Variants in ERG observed in about 807,000 individuals in gnomAD.
ERG encodes the protein transcriptional regulator ERG.
A neutral mutation model predicts 55.3 loss-of-function variants in ERG; 9 were observed. That is an observed-to-expected ratio of 0.16 (90% CI 0.10 to 0.28). ERG has a LOEUF of 0.28. ERG is among the 10% of genes least tolerant of loss of function. The probability of loss-of-function intolerance (pLI) is 1.00; values close to 1 mark genes in which losing one functional copy is unlikely to be tolerated. For synonymous variants in ERG, 223 were observed against 237.3 expected (o/e 0.94, Z 0.55); for missense variants, 434 against 631.6 (o/e 0.69, Z 3.35).
chr21:38,410,327 A>G (rs2146473266), intron 3 of ERG, among the ~76,000 whole-genome samples: 1 of 152,338 alleles, frequency 6.6e-6, no homozygotes, highest in African/African-American at 2.4e-5. Flanking sequence ...TTCCATTCCA[A>G]TTGTTTTGAA....
intron 2 of ERG, among the ~76,000 whole-genome samples, chr21:38,549,798 A>G (rs887139267): frequency 2.0e-5 from 3 of 152,274 alleles, no homozygotes; most frequent in East Asian, 3.9e-4. Flanking sequence ...CTATTGCTCC[A>G]TTGGAGAGGT....
downstream of ERG, among the ~76,000 whole-genome samples, chr21:38,376,338 C>T (rs933619491): frequency 6.6e-6 from 1 of 152,188 alleles, no homozygotes; most frequent in African/African-American, 2.4e-5. Context: ...TGCATGTTTC[C>T]ATGGGACGGA....
Position 38,460,111 on chromosome 21 carries a change from G to T in ERG, c.19-14490C>A, listed in dbSNP as rs750550519. On this transcript the variant is annotated intron_variant, in intron 1 of 9. Coordinates refer to ENST00000288319, the MANE Select transcript of ERG (RefSeq NM_182918.4). The surrounding 1 kb of genome is among the most constrained non-coding windows in gnomAD (Gnocchi z 5.0). The stretch of plus-strand genomic sequence containing the variant: ...GTGTGAGCCCCCATGCATTCATGAA[G>T]AATAGGCCTTCCAGCCTTGGCAACA... Among the ~76,000 whole-genome samples the T allele has an allele frequency of 6.6e-6, 1 of 152,184 alleles. No homozygotes were observed. Among genetic ancestry groups the T allele is most frequent in the Non-Finnish European group, 1.5e-5 (1 of 68,038 alleles).
At chr21:38,562,872 C>T (rs755255497) in intron 2 of ERG, among the ~76,000 whole-genome samples, 8 of 152,002 alleles carry the variant, frequency 5.3e-5, no homozygotes, top group Non-Finnish European at 7.3e-5. Context: ...TAAAAGTGTG[C>T]GTGTTTGTTC....
At chr21:38,396,527 G>A (rs912978063) in intron 6 of ERG, among the ~76,000 whole-genome samples, 3 of 152,232 alleles carry the variant, frequency 2.0e-5, no homozygotes, top group African/African-American at 7.2e-5. Flanking sequence ...CTTCAAAGTA[G>A]AAGCAAAGGC....
chr21:38,423,084 AGTGTGTGTGTGTGTGTGTGT>A (rs71184624), intron 3 of ERG, among the ~76,000 whole-genome samples: 1 of 144,324 alleles, frequency 6.9e-6, no homozygotes, highest in African/African-American at 2.6e-5. Context: ...CTCCATACGT[AGTGTGTGTGTGTGTGTGTGT>A]GTGTGTGTGT....
At chr21:38,374,251 AC>A in the ERG span, among the ~76,000 whole-genome samples, 1 of 152,242 alleles carries the variant, frequency 6.6e-6, no homozygotes, top group Non-Finnish European at 1.5e-5. Context: ...ACACTGACAC[AC>A]AGATATTCTG....
At chr21:38,593,433 C>T (rs2060113100) in intron 1 of ERG, among the ~76,000 whole-genome samples, 3 of 152,204 alleles carry the variant, frequency 2.0e-5, no homozygotes, top group Admixed American at 2.0e-4. Context: ...ACAGATTAAA[C>T]AAGCATTATG....
intron 3 of ERG, among the ~76,000 whole-genome samples, chr21:38,421,919 T>A (rs1400632109): frequency 6.6e-6 from 1 of 152,104 alleles, no homozygotes; most frequent in African/African-American, 2.4e-5. Flanking sequence ...ATGGCACAAT[T>A]TTGGCTCACT....
intron 1 of ERG, among the ~76,000 whole-genome samples, chr21:38,628,538 C>T (rs1379091299): frequency 4.6e-5 from 7 of 152,188 alleles, no homozygotes; most frequent in African/African-American, 1.4e-4. Flanking sequence ...CAATAGCCAC[C>T]TGCACACCCA....
At chr21:38,520,261 T>C (rs1287237379) in intron 2 of ERG, among the ~76,000 whole-genome samples, 1 of 152,132 alleles carries the variant, frequency 6.6e-6, no homozygotes, top group African/African-American at 2.4e-5. Context: ...AGCCAGGAGC[T>C]GGAGGGGATG....
chr21:38,533,827 T>C (rs927298819), intron 2 of ERG, among the ~76,000 whole-genome samples: 1 of 152,222 alleles, frequency 6.6e-6, no homozygotes, highest in African/African-American at 2.4e-5. Flanking sequence ...TCAACTGATA[T>C]TTAGCTCTCC....
At chr21:38,512,927 T>C (rs2059523918) in intron 2 of ERG, among the ~76,000 whole-genome samples, 1 of 152,046 alleles carries the variant, frequency 6.6e-6, no homozygotes, top group African/African-American at 2.4e-5. Context: ...GGTCAGGAGA[T>C]TGAGACCACC....
intron 3 of ERG, among the ~76,000 whole-genome samples, chr21:38,405,066 G>A (rs1373180944): frequency 1.3e-5 from 2 of 152,068 alleles, no homozygotes; most frequent in African/African-American, 4.8e-5. Context: ...TGCAGGTCCA[G>A]TAGAATCTAC....
chr21:38,570,317 A>T lies in ERG; in HGVS notation c.-41+5345T>A, dbSNP rs572029187. 7.9e-5 allele frequency among the ~76,000 whole-genome samples: 12 copies of T among 152,354 alleles called. No individual in the cohort carries two copies. In the East Asian group the frequency reaches 2.3e-3, roughly 29 times the overall value. On this transcript the variant is annotated intron_variant, in intron 2 of 8. Transcript: ENST00000398897. ...GCAAGCACCCACTCCAATGTGATCT[A>T]TATGGTTAGGTATGTATGTACCCTG...
At chr21:38,387,569 C>G (rs1403255621) in intron 9 of ERG, among the ~76,000 whole-genome samples, 1 of 152,172 alleles carries the variant, frequency 6.6e-6, no homozygotes, top group Non-Finnish European at 1.5e-5. Flanking sequence ...TACTATCTTG[C>G]AAGATCATGG....
At chr21:38,386,698 A>G (rs1987705420) in intron 9 of ERG, among the ~76,000 whole-genome samples, 1 of 152,224 alleles carries the variant, frequency 6.6e-6, no homozygotes, top group Non-Finnish European at 1.5e-5. Context: ...GGATTTACAA[A>G]GAGAAGTTCT....
chr21:38,537,057 G>A (rs991527486), intron 2 of ERG, among the ~76,000 whole-genome samples: 2 of 152,096 alleles, frequency 1.3e-5, no homozygotes, highest in Admixed American at 1.3e-4. Flanking sequence ...GAGAAAAAAA[G>A]GAGTCTTTTC....
intron 2 of ERG, among the ~76,000 whole-genome samples, chr21:38,540,968 G>C (rs996548918): frequency 1.6e-4 from 24 of 152,172 alleles, no homozygotes; most frequent in African/African-American, 5.8e-4. Context: ...CCTTGCTTTA[G>C]CTCTGCCTTT....
Sources: allele counts gnomAD v4.1 joint callset (sites outside exome capture counted in the v4.1 genomes callset), GRCh38; gene constraint gnomAD v4.1.1; non-coding constraint Gnocchi (gnomAD v3.1); transcripts MANE v1.5; gene names NCBI Gene and HGNC (gene_info 2026-07-23, HGNC 2026-07-21).